Variants in MECOM observed in about 807,000 individuals in gnomAD.
MECOM encodes the protein MDS1 and EVI1 complex locus, also known as histone-lysine N-methyltransferase MECOM.
Under a neutral mutation model 116.3 loss-of-function variants are expected in MECOM, and 13 were observed. The observed-to-expected ratio is 0.11, with a 90% CI of 0.07 to 0.18. The LOEUF is 0.18. MECOM is among the 10% of genes least tolerant of loss of function. MECOM has a pLI of 1.00. For synonymous variants in MECOM, 528 were observed against 535.2 expected (o/e 0.99, Z 0.19); for missense variants, 1,299 against 1,509.0 (o/e 0.86, Z 2.31).
chr3:169,612,197 A>T (rs1458297342), intron 1 of MECOM, among the ~76,000 whole-genome samples: 2 of 152,222 alleles, frequency 1.3e-5, no homozygotes, highest in African/African-American at 4.8e-5. Context: ...TTTGGTATTT[A>T]TGTTAAAGGA....
rs1737661207 is a variant in MECOM, at chr3:169,412,175, A to G, written c.38-30651T>C. 2.0e-5 allele frequency among the ~76,000 whole-genome samples: 3 copies of G among 151,592 alleles called. No homozygotes were observed. In the South Asian group the frequency reaches 6.3e-4, roughly 32 times the overall value. ...GTGGTAGGCACCTGTAATCCCAGCTACTTGGGAGGCTGAGGCGGGAAAATC... is the reference window on the plus strand; with the variant it reads ...GTGGTAGGCACCTGTAATCCCAGCTGCTTGGGAGGCTGAGGCGGGAAAATC... On this transcript the variant is annotated intron_variant, in intron 1 of 16. Transcript: ENST00000651503.
At chr3:169,456,659 G>A (rs914206456) in intron 1 of MECOM, among the ~76,000 whole-genome samples, 2 of 152,050 alleles carry the variant, frequency 1.3e-5, no homozygotes, top group Non-Finnish European at 2.9e-5. Flanking sequence ...CCCACTCCAC[G>A]ATTCAAATTC....
chr3:169,272,538 T>C (rs1184374219), intron 2 of MECOM, among the ~76,000 whole-genome samples: 3 of 152,114 alleles, frequency 2.0e-5, no homozygotes, highest in Non-Finnish European at 4.4e-5. Context: ...AGAAACATAA[T>C]AGCAAATGAG....
intron 1 of MECOM, among the ~76,000 whole-genome samples, chr3:169,588,287 A>G (rs1765999236): frequency 6.6e-6 from 1 of 152,192 alleles, no homozygotes. Context: ...GCCGTGACTT[A>G]TATACCTTTC....
At chr3:169,190,212 A>G (rs540646396) in intron 2 of MECOM, among the ~76,000 whole-genome samples, 1 of 152,178 alleles carries the variant, frequency 6.6e-6, no homozygotes, top group African/African-American at 2.4e-5. Context: ...ATATAAATAT[A>G]ATCTAAATCT....
At chr3:169,614,108 TTTTTTC>T (rs1486150909) in intron 1 of MECOM, among the ~76,000 whole-genome samples, 1 of 69,304 alleles carries the variant, frequency 1.4e-5, no homozygotes, top group African/African-American at 5.3e-5. Context: ...TTTCTTTTTC[TTTTTTC>T]TTTTTTTTTT....
At chr3:169,593,047 A>G (rs867000530) in intron 1 of MECOM, among the ~76,000 whole-genome samples, 6 of 152,362 alleles carry the variant, frequency 3.9e-5, no homozygotes, top group Middle Eastern at 3.4e-3. Context: ...AAATGCTGAT[A>G]GAATTTTTTA....
intron 2 of MECOM, among the ~76,000 whole-genome samples, chr3:169,314,713 G>GA (rs1224570059): frequency 2.6e-5 from 4 of 151,386 alleles, no homozygotes; most frequent in African/African-American, 4.8e-5. Flanking sequence ...TAAATGGGGA[G>GA]AAAAAAAAGC....
chr3:169,559,114 A>G (rs1357668257), intron 1 of MECOM, among the ~76,000 whole-genome samples: 1 of 151,972 alleles, frequency 6.6e-6, no homozygotes, highest in Non-Finnish European at 1.5e-5. Context: ...CCAACAACCC[A>G]CTAGCAGGGG....
At chr3:169,360,226 C>T (rs1331255400) in intron 2 of MECOM, among the ~76,000 whole-genome samples, 1 of 146,304 alleles carries the variant, frequency 6.8e-6, no homozygotes, top group Admixed American at 7.0e-5. Flanking sequence ...AAGAAAAAAG[C>T]TCCTTTCTGG....
At chr3:169,294,039 A>C (rs918736657) in intron 2 of MECOM, among the ~76,000 whole-genome samples, 5 of 152,314 alleles carry the variant, frequency 3.3e-5, no homozygotes, top group African/African-American at 4.8e-5. Context: ...TCATTACTGC[A>C]TGTAGGTTAT....
chr3:169,501,282 C>T (rs1343449030), intron 1 of MECOM, among the ~76,000 whole-genome samples: 3 of 151,920 alleles, frequency 2.0e-5, no homozygotes, highest in African/African-American at 7.2e-5. Context: ...CACTAACAGA[C>T]ATCCCATTTC....
At chr3:169,311,331 T>C (rs1275012251) in intron 2 of MECOM, among the ~76,000 whole-genome samples, 1 of 152,186 alleles carries the variant, frequency 6.6e-6, no homozygotes, top group Non-Finnish European at 1.5e-5. Flanking sequence ...TAGTTCAAAA[T>C]AGCCAACTAC....
intron 2 of MECOM, among the ~76,000 whole-genome samples, chr3:169,278,474 G>A (rs1341701150): frequency 6.6e-6 from 1 of 152,200 alleles, no homozygotes; most frequent in Admixed American, 6.5e-5. Context: ...AAACTTGGTG[G>A]CTTCCAAATT....
rs144000390 is a variant in MECOM, at chr3:169,590,920, C to T, written c.37+72416G>A. ...CCTACCAGCACAGCATAATGCAAAACGCAAGCAAGGACAACTAGTAGCAGG... is the reference window on the plus strand; with the variant it reads ...CCTACCAGCACAGCATAATGCAAAATGCAAGCAAGGACAACTAGTAGCAGG... On this transcript the variant is annotated intron_variant, in intron 1 of 16. Transcript: ENST00000651503. 5.8e-4 allele frequency among the ~76,000 whole-genome samples: 88 copies of T among 152,262 alleles called. No homozygotes were observed. The East Asian group carries it at 0.014, about 25-fold the overall frequency.
intron 2 of MECOM, among the ~76,000 whole-genome samples, chr3:169,242,720 T>C (rs1222230818): frequency 1.3e-5 from 2 of 152,208 alleles, no homozygotes; most frequent in African/African-American, 4.8e-5. Flanking sequence ...CTGGGAGTTT[T>C]AGTATTTGGC....
intron 2 of MECOM, among the ~76,000 whole-genome samples, chr3:169,323,002 A>T (rs1186192331): frequency 1.7e-5 from 2 of 119,230 alleles, no homozygotes; most frequent in South Asian, 2.4e-4. Flanking sequence ...TCCGGTAAAA[A>T]AAAAAAAAAA....
rs1056604577 is a variant in MECOM, at chr3:169,607,514, C to T, written c.37+55822G>A. 3.3e-5 allele frequency among the ~76,000 whole-genome samples: 5 copies of T among 152,288 alleles called. No homozygotes were observed. In the East Asian group the frequency reaches 5.8e-4, roughly 18 times the overall value. Reference sequence around the variant, plus strand: ...TTGAAAAAATTTATTTTTCTCCTACCACTATAAAACAATCAATTTTGGTGG... The same window carrying T: ...TTGAAAAAATTTATTTTTCTCCTACTACTATAAAACAATCAATTTTGGTGG... On this transcript the variant is annotated intron_variant, in intron 1 of 16. Transcript: ENST00000651503.
At chr3:169,128,491 G>T (rs1194288755) in intron 4 of MECOM, among the ~76,000 whole-genome samples, 1 of 152,136 alleles carries the variant, frequency 6.6e-6, no homozygotes, top group Non-Finnish European at 1.5e-5. Context: ...AACAGTCAGG[G>T]AGTATAGAGC....
Sources: gnomAD v4.1 joint callset for allele counts (sites outside exome capture counted in the v4.1 genomes callset) on GRCh38, gnomAD v4.1.1 for gene constraint, MANE v1.5 for transcripts, NCBI Gene and HGNC (gene_info 2026-07-23, HGNC 2026-07-21) for gene names.